The following DOCK4 variants were observed in gnomAD, a reference collection of about 807,000 sequenced individuals.
The protein encoded by DOCK4 is dedicator of cytokinesis protein 4.
In DOCK4, 97 loss-of-function variants were observed where a neutral mutation model predicts 268.1. That is an observed-to-expected ratio of 0.36 (90% confidence interval 0.31 to 0.43). The LOEUF is 0.43. Among genes scored for constraint, DOCK4 ranks in the 20% least tolerant of loss-of-function variants. The pLI is 1.00. For synonymous variants in DOCK4, 954 were observed against 887.2 expected, an observed-to-expected ratio of 1.08 and a Z score of -1.34; for missense variants, 2,145 against 2,455.7, an observed-to-expected ratio of 0.87 and a Z score of 2.67.
intron 1 of DOCK4, among the ~76,000 whole-genome samples, chr7:112,109,929 G>GTA (rs10681509): frequency 0.032 from 4,623 of 143,452 alleles, 330 homozygotes; most frequent in African/African-American, 0.13. Context: ...GTGTTTTTTA[G>GTA]GAGACGGGGT....
intron 1 of DOCK4, among the ~76,000 whole-genome samples, chr7:112,049,593 T>C (rs958167766): frequency 2.0e-5 from 3 of 152,128 alleles, no homozygotes; most frequent in Non-Finnish European, 2.9e-5. Flanking sequence ...AAGGCAGAGA[T>C]TGTCATATTG....
intron 1 of DOCK4, among the ~76,000 whole-genome samples, chr7:112,109,696 C>G (rs1031124035): frequency 6.6e-6 from 1 of 151,870 alleles, no homozygotes; most frequent in African/African-American, 2.4e-5. Context: ...TAGCCAGAGT[C>G]CATTTCTATA....
intron 39 of DOCK4, among the ~76,000 whole-genome samples, chr7:111,762,762 C>CTTTTTTTTTTTTTTTTTTATTTTTTT (rs1797511184): frequency 1.6e-5 from 1 of 63,068 alleles, no homozygotes. Flanking sequence ...GTTTTGTTTT[C>CTTTTTTTTTTTTTTTTTTATTTTTTT]TTTTTTTTTT....
intron 2 of DOCK4, among the ~76,000 whole-genome samples, chr7:112,003,027 G>C (rs1800556114): frequency 6.7e-6 from 1 of 149,938 alleles, no homozygotes; most frequent in African/African-American, 2.5e-5. Flanking sequence ...CTCCAGCATG[G>C]GTGACAGAGC....
chr7:111,884,154 T>C (rs182871130), intron 16 of DOCK4, among the ~76,000 whole-genome samples: 180 of 152,274 alleles, frequency 1.2e-3, no homozygotes, highest in African/African-American at 4.1e-3. Context: ...ATATAGCATA[T>C]CTTTTATTGT....
At chr7:112,040,651 G>T (rs1804270123) in intron 1 of DOCK4, among the ~76,000 whole-genome samples, 1 of 152,120 alleles carries the variant, frequency 6.6e-6, no homozygotes, top group Admixed American at 6.5e-5. Context: ...CCGAGGCACA[G>T]TGAACCCACA....
intron 1 of DOCK4, among the ~76,000 whole-genome samples, chr7:112,199,891 C>T (rs1820765376): frequency 1.3e-5 from 2 of 152,194 alleles, no homozygotes; most frequent in Admixed American, 1.3e-4. Context: ...AAAGAGAAAA[C>T]TTACGCAATG....
At chr7:111,730,800 C>T (rs1445849453) in intron 52 of DOCK4, among the ~76,000 whole-genome samples, 5 of 152,156 alleles carry the variant, frequency 3.3e-5, no homozygotes, top group African/African-American at 4.8e-5. Context: ...GACATGGCTT[C>T]GAACTGCATA....
At chr7:112,163,083 A>G (rs984122382) in intron 1 of DOCK4, among the ~76,000 whole-genome samples, 1 of 152,222 alleles carries the variant, frequency 6.6e-6, no homozygotes, top group African/African-American at 2.4e-5. Flanking sequence ...CTAAACAATT[A>G]ATCATTTACC....
intron 1 of DOCK4, among the ~76,000 whole-genome samples, chr7:112,086,818 C>G (rs1234469670): frequency 6.6e-6 from 1 of 152,036 alleles, no homozygotes; most frequent in Admixed American, 6.6e-5. Context: ...TAAACAGTAA[C>G]CAAGGATTGG....
intron 52 of DOCK4, among the ~76,000 whole-genome samples, chr7:111,730,539 T>A (rs1795011266): frequency 6.6e-6 from 1 of 152,186 alleles, no homozygotes; most frequent in South Asian, 2.1e-4. Flanking sequence ...AATTCACTGC[T>A]ACCTCTGTCA....
At chr7:112,030,421 G>C (rs1246079305) in intron 1 of DOCK4, among the ~76,000 whole-genome samples, 3 of 152,194 alleles carry the variant, frequency 2.0e-5, no homozygotes, top group Non-Finnish European at 4.4e-5. Context: ...CATCCTTCAA[G>C]TATTTCTAAA....
At chr7:112,121,992 T>G (rs773912750) in intron 1 of DOCK4, among the ~76,000 whole-genome samples, 1 of 152,244 alleles carries the variant, frequency 6.6e-6, no homozygotes, top group Non-Finnish European at 1.5e-5. Flanking sequence ...TACTCCTGAC[T>G]ATAAAAAAAT....
intron 1 of DOCK4, among the ~76,000 whole-genome samples, chr7:112,043,249 AC>A (rs1184024601): frequency 6.6e-6 from 1 of 150,686 alleles, no homozygotes; most frequent in African/African-American, 2.5e-5. Flanking sequence ...AAAAAAAAAA[AC>A]TTAATCAATA....
intron 1 of DOCK4, among the ~76,000 whole-genome samples, chr7:112,050,441 T>C (rs552924150): frequency 6.6e-6 from 1 of 152,292 alleles, no homozygotes; most frequent in South Asian, 2.1e-4. Context: ...TAGTATGCTG[T>C]AGTAATCCAC....
At chr7:111,916,336 A>G (rs1792584112) in intron 12 of DOCK4, among the ~76,000 whole-genome samples, 1 of 152,238 alleles carries the variant, frequency 6.6e-6, no homozygotes, top group Non-Finnish European at 1.5e-5. Context: ...ATCAAATATC[A>G]AAAGCATGAA....
rs1045570406 is a variant in DOCK4 at position 111,855,690 on chromosome 7, C to T, written c.2473+7682G>A. 2.6e-5 allele frequency among the ~76,000 whole-genome samples: 4 copies of T among 152,078 alleles called. No individual in the cohort carries two copies. The East Asian group carries it at 5.8e-4, about 22-fold the overall frequency. On this transcript the variant is annotated intron_variant, in intron 23 of 52. Transcript: ENST00000428084. Reference sequence around the variant, plus strand: ...CCCAAGATTTGCTCAGATTTCCCTGCTACATGGCACCCTGGAAACTTGCCC... The same window carrying T: ...CCCAAGATTTGCTCAGATTTCCCTGTTACATGGCACCCTGGAAACTTGCCC...
intron 5 of DOCK4, among the ~76,000 whole-genome samples, chr7:111,991,618 G>C (rs1045851567): frequency 1.3e-5 from 2 of 152,056 alleles, no homozygotes; most frequent in African/African-American, 4.8e-5. Flanking sequence ...TTAGATTCAG[G>C]CTTCAGCATG....
chr7:111,973,619 A>G (rs1167642898), intron 8 of DOCK4, among the ~76,000 whole-genome samples: 1 of 152,172 alleles, frequency 6.6e-6, no homozygotes, highest in Non-Finnish European at 1.5e-5. Flanking sequence ...TGGCAAATGA[A>G]TATTTGATGA....
Sources: allele counts gnomAD v4.1 joint callset (sites outside exome capture counted in the v4.1 genomes callset), GRCh38; gene constraint gnomAD v4.1.1; transcripts MANE v1.5; gene names NCBI Gene and HGNC (gene_info 2026-07-23, HGNC 2026-07-21).